PARD3B: variants seen among roughly 807,000 people sequenced by gnomAD.
PARD3B encodes partitioning defective 3 homolog B.
Under a neutral mutation model 130.2 loss-of-function variants are expected in PARD3B, and 103 were observed. The ratio of observed to expected loss-of-function variants is 0.79; its 90% CI spans 0.67 to 0.93. The LOEUF (loss-of-function observed/expected upper bound fraction) is 0.93. Among genes scored for constraint, PARD3B ranks in the 40% least tolerant of loss-of-function variants. The pLI, the probability that PARD3B is intolerant of heterozygous loss-of-function variation, is 0.00. For missense variants in PARD3B, 1,609 were observed against 1,499.2 expected (o/e 1.07, Z -1.21); for synonymous variants, 583 against 553.2 (o/e 1.05, Z -0.76).
At chr2:205,398,167 G>C (rs1344621767) in intron 18 of PARD3B, among the ~76,000 whole-genome samples, 1 of 152,104 alleles carries the variant, frequency 6.6e-6, no homozygotes, top group Non-Finnish European at 1.5e-5. Flanking sequence ...CAGGCTTGGT[G>C]GTGGGCACCT....
At chr2:205,030,364 G>C (rs1368478976) in intron 3 of PARD3B, among the ~76,000 whole-genome samples, 1 of 152,166 alleles carries the variant, frequency 6.6e-6, no homozygotes, top group African/African-American at 2.4e-5. Context: ...GTGTAGTGGA[G>C]ACATCTTTGT....
At chr2:205,409,714 G>T (rs2106046417) in intron 19 of PARD3B, among the ~76,000 whole-genome samples, 1 of 152,188 alleles carries the variant, frequency 6.6e-6, no homozygotes, top group South Asian at 2.1e-4. Flanking sequence ...AAGTACACCA[G>T]CTCTCTACAA....
rs201829385 is a variant in PARD3B, at chr2:205,300,662, G to A, written c.2318G>A (p.Arg773Gln). 2.8e-4 allele frequency: 447 copies of A among 1,613,998 alleles called. No homozygotes were observed. Among genetic ancestry groups the A allele is most frequent in the Non-Finnish European group, 3.4e-4 (405 of 1,180,020 alleles). ...PFHRPRPHMV[R>Q]GRGCNESFRA... is the part of the protein sequence containing the mutation. ...CACAGGCCCCGGCCGCACATGGTTC[G>A]AGGCCGAGGCTGCAATGAGAGCTTT... Residue 773 changes from arginine (R) to glutamine (Q), a missense_variant, in exon 17 of 23, where the codon CGA becomes CAA. Coordinates refer to ENST00000406610, the MANE Select transcript of PARD3B (RefSeq NM_001302769.2). The surrounding 1 kb of genome is among the most constrained non-coding windows in gnomAD (Gnocchi z 4.1).
chr2:205,602,739 C>T (rs984146415), intron 22 of PARD3B, among the ~76,000 whole-genome samples: 8 of 152,022 alleles, frequency 5.3e-5, no homozygotes, highest in African/African-American at 1.9e-4. Context: ...TATATTGTTT[C>T]TATTTGAGTC....
At chr2:204,897,819 G>A (rs1158524667) in intron 2 of PARD3B, among the ~76,000 whole-genome samples, 2 of 151,652 alleles carry the variant, frequency 1.3e-5, no homozygotes, top group Admixed American at 1.3e-4. Context: ...TGTTGTGGTA[G>A]TCAATCAAGC....
rs2125640897 is a variant in PARD3B, at chr2:205,128,953, T to G, written c.1434+3216T>G. On this transcript the variant is annotated intron_variant, in intron 10 of 22. Transcript: ENST00000406610. The surrounding 1 kb of genome is among the most constrained non-coding windows in gnomAD (Gnocchi z 4.5). ...ATGGAATTTAGTGAAATTTGATTTC[T>G]ATCCCAGAATGACATAGGCCAAGTC... Among the ~76,000 whole-genome samples, 1 of 152,358 alleles carries G rather than the reference T, an allele frequency of 6.6e-6. No homozygotes were observed. The highest frequency in any genetic ancestry group is 2.4e-5 in the African/African-American group (1 of 41,586).
chr2:204,901,775 G>C (rs75957059), intron 2 of PARD3B, among the ~76,000 whole-genome samples: 9 of 152,210 alleles, frequency 5.9e-5, no homozygotes, highest in South Asian at 2.1e-4. Flanking sequence ...TACTGCTGCT[G>C]ATTATTCAGA....
intron 1 of PARD3B, among the ~76,000 whole-genome samples, chr2:204,645,759 G>T (rs80104140): frequency 0.045 from 6,807 of 152,210 alleles, 219 homozygotes; most frequent in South Asian, 0.1. Context: ...AGAGCCAAAT[G>T]CATCTCACTA....
intron 18 of PARD3B, among the ~76,000 whole-genome samples, chr2:205,338,184 C>T (rs2043389756): frequency 7.1e-6 from 1 of 141,714 alleles, no homozygotes; most frequent in Non-Finnish European, 1.5e-5. Flanking sequence ...AAAAAGGCTT[C>T]ATGAGGTGTT....
chr2:204,559,580 G>C (rs1056795066), intron 1 of PARD3B, among the ~76,000 whole-genome samples: 4 of 152,192 alleles, frequency 2.6e-5, no homozygotes, highest in African/African-American at 9.7e-5. Flanking sequence ...ATGCTATTAT[G>C]CTGTTGGTTG....
intron 18 of PARD3B, among the ~76,000 whole-genome samples, chr2:205,356,920 G>GAAC (rs1447540308): frequency 1.4e-5 from 2 of 148,116 alleles, no homozygotes; most frequent in African/African-American, 2.5e-5. Context: ...AAGACAAAAA[G>GAAC]AACATCATTC....
rs201634658 is a variant in PARD3B at position 205,227,057 on chromosome 2, G to GTT, written c.2141-18712_2141-18711dup. Among the ~76,000 whole-genome samples the GTT allele has an allele frequency of 6.5e-3, 961 of 147,838 alleles. 12 individuals are homozygous for GTT. The highest frequency in any genetic ancestry group is 0.022 in the African/African-American group (880 of 40,348). On this transcript the variant is annotated intron_variant, in intron 15 of 22. Coordinates refer to ENST00000406610, the MANE Select transcript of PARD3B (RefSeq NM_001302769.2). ...AGAATATACTCGATATAATTTCAGG[G>GTT]TTTTTTTTTTGCATATTTTAAGACT...
chr2:204,646,015 C>T (rs532499896), intron 1 of PARD3B, among the ~76,000 whole-genome samples: 86 of 152,166 alleles, frequency 5.7e-4, no homozygotes, highest in African/African-American at 2.0e-3. Context: ...TCTAAGGATG[C>T]TTTCTGGTTC....
At chr2:205,247,010 C>T (rs1260085750) in intron 16 of PARD3B, among the ~76,000 whole-genome samples, 2 of 152,120 alleles carry the variant, frequency 1.3e-5, no homozygotes, top group Non-Finnish European at 2.9e-5. Flanking sequence ...ACCAGGGAAC[C>T]CCAAGGATAA....
At chr2:204,891,676 C>G (rs1224758566) in intron 2 of PARD3B, among the ~76,000 whole-genome samples, 1 of 152,160 alleles carries the variant, frequency 6.6e-6, no homozygotes, top group African/African-American at 2.4e-5. Flanking sequence ...TCTCTGAACT[C>G]TTGTCTCTTC....
chr2:204,809,970 A>G (rs1333818226), intron 2 of PARD3B, among the ~76,000 whole-genome samples: 1 of 151,930 alleles, frequency 6.6e-6, no homozygotes, highest in Non-Finnish European at 1.5e-5. Flanking sequence ...GGTTAGCTGT[A>G]TTTCTAGGTA....
chr2:204,921,631 G>T (rs892096227), intron 2 of PARD3B, among the ~76,000 whole-genome samples: 2 of 152,080 alleles, frequency 1.3e-5, no homozygotes, highest in African/African-American at 4.8e-5. Flanking sequence ...TGGTAAATAG[G>T]ACTAGAAAAG....
chr2:205,525,409 C>T lies in PARD3B; in HGVS notation c.3180+25378C>T, dbSNP rs1333944292. On this transcript the variant is annotated intron_variant, in intron 21 of 22. Coordinates refer to ENST00000406610, the MANE Select transcript of PARD3B (RefSeq NM_001302769.2). The surrounding 1 kb of genome is among the most constrained non-coding windows in gnomAD (Gnocchi z 4.2). ...AGAGGTTTTTTTGTTTTTGTTTTTA[C>T]ATTGAAGATGTAAAAAATAATTACA... is the stretch of plus-strand genomic sequence containing the variant. 6.6e-6 allele frequency among the ~76,000 whole-genome samples: 1 copy of T among 152,082 alleles called. No individual in the cohort carries two copies. Among genetic ancestry groups the T allele is most frequent in the African/African-American group, 2.4e-5 (1 of 41,404 alleles).
At chr2:205,381,023 G>GATATACATAAAGAAT (rs1553499248) in intron 18 of PARD3B, among the ~76,000 whole-genome samples, 2 of 64,960 alleles carry the variant, frequency 3.1e-5, no homozygotes, top group Non-Finnish European at 4.7e-5. Context: ...GAATATATAT[G>GATATACATAAAGAAT]ATATATTATA....
Sources: gnomAD v4.1 joint callset for allele counts (sites outside exome capture counted in the v4.1 genomes callset) on GRCh38, gnomAD v4.1.1 for gene constraint, Gnocchi (gnomAD v3.1) non-coding constraint, MANE v1.5 for transcripts, NCBI Gene and HGNC (gene_info 2026-07-23, HGNC 2026-07-21) for gene names.